The following COL13A1 variants were observed in gnomAD, a reference collection of about 807,000 sequenced individuals.
COL13A1 encodes collagen type XIII alpha 1 chain.
COL13A1 carries 89 observed loss-of-function variants against 130.9 expected under a neutral mutation model. The ratio of observed to expected loss-of-function variants is 0.68; its 90% confidence interval spans 0.57 to 0.81. The LOEUF (loss-of-function observed/expected upper bound fraction) is 0.81, where lower values mean the gene tolerates loss of function less well. Ranked by LOEUF, COL13A1 falls within the 30% of genes least tolerant of loss-of-function variation. The pLI, the probability that COL13A1 is intolerant of heterozygous loss-of-function variation, is 0.00. For synonymous variants in COL13A1, 402 were observed against 341.6 expected (o/e 1.18, Z -1.95); for missense variants, 879 against 934.6 (o/e 0.94, Z 0.78).
intron 2 of COL13A1, among the ~76,000 whole-genome samples, chr10:69,830,875 CT>C (rs1446152674): frequency 1.3e-5 from 2 of 152,170 alleles, no homozygotes; most frequent in Non-Finnish European, 2.9e-5. Flanking sequence ...AACCCCATTC[CT>C]TTTGGCAGCC....
At chr10:69,918,658 C>T (rs2064232952) in intron 19 of COL13A1, among the ~76,000 whole-genome samples, 1 of 152,208 alleles carries the variant, frequency 6.6e-6, no homozygotes, top group Non-Finnish European at 1.5e-5. Context: ...GAGTTCATCT[C>T]CAGAACCCCC....
chr10:69,858,041 G>A (rs370774287), intron 2 of COL13A1, among the ~76,000 whole-genome samples: 2 of 146,840 alleles, frequency 1.4e-5, no homozygotes, highest in East Asian at 2.0e-4. Context: ...GCTTGAACCC[G>A]GGAGGCAGAG....
chr10:69,832,646 G>C (rs921475296), intron 2 of COL13A1, among the ~76,000 whole-genome samples: 2 of 152,156 alleles, frequency 1.3e-5, no homozygotes, highest in Non-Finnish European at 2.9e-5. Flanking sequence ...GGCAGGGGAA[G>C]GGTGAATTAC....
rs1589301488 is a variant in COL13A1, at chr10:69,887,440, G to T, written c.514-16G>T. 1.4e-6 allele frequency: 2 copies of T among 1,469,380 alleles called. No homozygotes were observed. Among genetic ancestry groups the T allele is most frequent in the Non-Finnish European group, 9.3e-7 (1 of 1,070,658 alleles). 91.0% of individuals were successfully genotyped at this position (1,469,380 alleles called of 1,614,324 possible). On this transcript the variant is annotated splice_polypyrimidine_tract_variant and intron_variant, in intron 7 of 40. Coordinates refer to ENST00000645393, the MANE Select transcript of COL13A1 (RefSeq NM_001368882.1). ...CCTTGCTCAATCTCATGTGTCTCTTGTTTTTTTTTTTTCAGGGTCAACCAG... is the reference window on the plus strand; with the variant it reads ...CCTTGCTCAATCTCATGTGTCTCTTTTTTTTTTTTTTTCAGGGTCAACCAG...
intron 10 of COL13A1, among the ~76,000 whole-genome samples, chr10:69,890,254 A>G (rs2134639835): frequency 6.6e-6 from 1 of 152,264 alleles, no homozygotes; most frequent in African/African-American, 2.4e-5. Flanking sequence ...GGTGGGCCAG[A>G]TCTCAGCAGG....
chr10:69,932,927 G>A (rs563574114), intron 31 of COL13A1, among the ~76,000 whole-genome samples: 30 of 151,836 alleles, frequency 2.0e-4, no homozygotes, highest in South Asian at 1.0e-3. Context: ...ACCTGAGGTC[G>A]GGAGTTTGAG....
intron 7 of COL13A1, among the ~76,000 whole-genome samples, chr10:69,886,178 C>T (rs758179811): frequency 1.3e-5 from 2 of 152,180 alleles, no homozygotes; most frequent in Non-Finnish European, 2.9e-5. Flanking sequence ...TCAAAAGCAA[C>T]CTTGCTCTAT....
intron 1 of COL13A1, among the ~76,000 whole-genome samples, chr10:69,816,147 C>T (rs1291158444): frequency 2.0e-5 from 3 of 149,856 alleles, no homozygotes; most frequent in East Asian, 2.0e-4. Flanking sequence ...GGGCAGAAGT[C>T]GGGCATTCGT....
At chr10:69,815,024 C>A (rs1255329611) in intron 1 of COL13A1, among the ~76,000 whole-genome samples, 2 of 152,236 alleles carry the variant, frequency 1.3e-5, no homozygotes, top group East Asian at 1.9e-4. Context: ...TTCCCAGGCA[C>A]TTGCCTCTGC....
At chr10:69,865,085 G>T (rs1471315790) in intron 2 of COL13A1, among the ~76,000 whole-genome samples, 1 of 146,462 alleles carries the variant, frequency 6.8e-6, no homozygotes, top group Non-Finnish European at 1.5e-5. Flanking sequence ...GGTGTGCTCT[G>T]TTAGGAAGAC....
At chr10:69,871,890 C>T (rs2059105249) in intron 3 of COL13A1, among the ~76,000 whole-genome samples, 1 of 152,208 alleles carries the variant, frequency 6.6e-6, no homozygotes, top group Non-Finnish European at 1.5e-5. Flanking sequence ...GATTATTCTT[C>T]CATTTTCAAG....
intron 2 of COL13A1, among the ~76,000 whole-genome samples, 197 bp from the exon 3 acceptor site, chr10:69,867,601 T>C (rs1249860135): frequency 4.6e-5 from 7 of 152,190 alleles, no homozygotes; most frequent in Non-Finnish European, 7.3e-5. Context: ...GGATTTCTCA[T>C]CCAATTATGA....
chr10:69,807,107 T>C (rs747448431), intron 1 of COL13A1, among the ~76,000 whole-genome samples: 1 of 152,244 alleles, frequency 6.6e-6, no homozygotes, highest in South Asian at 2.1e-4. Flanking sequence ...TTTTGAGAGA[T>C]GCCAGGTAGA....
At chr10:69,838,800 G>A (rs1364197187) in intron 2 of COL13A1, among the ~76,000 whole-genome samples, 4 of 152,248 alleles carry the variant, frequency 2.6e-5, no homozygotes, top group East Asian at 1.9e-4. Context: ...TGGGAAATGG[G>A]GTGAGGCGTG....
intron 40 of COL13A1, 29 bp from the exon 41 acceptor site, chr10:69,958,670 C>T (rs566310520): frequency 3.7e-6 from 6 of 1,613,948 alleles, no homozygotes; most frequent in South Asian, 1.1e-5. Context: ...CTGAAACTAA[C>T]AGAACATTGT....
chr10:69,958,319 A>G (rs949035825), intron 40 of COL13A1, among the ~76,000 whole-genome samples: 1 of 152,228 alleles, frequency 6.6e-6, no homozygotes, highest in African/African-American at 2.4e-5. Context: ...TGTGCTTAGC[A>G]GGGGAAGAAC....
chr10:69,947,370 C>T (rs768694971), intron 38 of COL13A1, 28 bp downstream of exon 38: 1 of 1,597,540 alleles, frequency 6.3e-7, no homozygotes, highest in South Asian at 1.1e-5. Flanking sequence ...CACTCGTGCT[C>T]TAGTTACTAA....
intron 19 of COL13A1, 122 bp downstream of exon 19, chr10:69,918,439 G>A: frequency 1.1e-6 from 1 of 942,648 alleles, no homozygotes; most frequent in African/African-American, 1.6e-5. Context: ...TACAGGATTT[G>A]GAAACATTTT....
rs191706769 is a variant in COL13A1, at chr10:69,821,537, A to G, written c.295-832A>G. Among the ~76,000 whole-genome samples the G allele has an allele frequency of 1.7e-3, 253 of 152,336 alleles. 1 individual carries two copies. The highest frequency in any genetic ancestry group is 5.1e-3 in the African/African-American group (212 of 41,572). On this transcript the variant is annotated intron_variant, in intron 1 of 40. Transcript: ENST00000645393. ...ATCTTTCTAACTTCGCAGTAATCCAATGAAGTGAGGACTCTTATTAGCCCA... is the reference window on the plus strand; with the variant it reads ...ATCTTTCTAACTTCGCAGTAATCCAGTGAAGTGAGGACTCTTATTAGCCCA...
Sources: allele counts gnomAD v4.1 joint callset (sites outside exome capture counted in the v4.1 genomes callset), GRCh38; gene constraint gnomAD v4.1.1; transcripts MANE v1.5; gene names NCBI Gene and HGNC (gene_info 2026-07-23, HGNC 2026-07-21).